PTPRD: variants seen among roughly 807,000 people sequenced by gnomAD.
PTPRD encodes protein tyrosine phosphatase receptor type D.
Under a neutral mutation model 214.5 loss-of-function variants are expected in PTPRD, and 34 were observed. The observed-to-expected ratio is 0.16, with a 90% CI of 0.12 to 0.21. The LOEUF (loss-of-function observed/expected upper bound fraction) is 0.21, where lower values mean the gene tolerates loss of function less well. Ranked by LOEUF, PTPRD falls within the 10% of genes least tolerant of loss-of-function variation. PTPRD has a pLI of 1.00. For missense variants in PTPRD, 2,545 were observed against 2,398.7 expected, an observed-to-expected ratio of 1.06 and a Z score of -1.27; for synonymous variants, 1,128 against 845.7, an observed-to-expected ratio of 1.33 and a Z score of -5.79.
chr9:8,666,090 T>G (rs1400592652), intron 12 of PTPRD, among the ~76,000 whole-genome samples: 1 of 152,154 alleles, frequency 6.6e-6, no homozygotes, highest in African/African-American at 2.4e-5. Context: ...CTATCAGCAT[T>G]TACAGCTTTG....
intron 2 of PTPRD, among the ~76,000 whole-genome samples, chr9:10,385,586 A>T (rs1346575344): frequency 1.3e-5 from 2 of 151,856 alleles, no homozygotes; most frequent in African/African-American, 4.8e-5. Context: ...TGGAATATGA[A>T]GGGCTTTTTT....
At chr9:8,926,666 G>C (rs529164849) in intron 11 of PTPRD, among the ~76,000 whole-genome samples, 1 of 152,234 alleles carries the variant, frequency 6.6e-6, no homozygotes, top group Non-Finnish European at 1.5e-5. Context: ...TCCCATGTCT[G>C]AATTCTATTC....
chr9:10,023,621 A>ATT (rs71485309), intron 4 of PTPRD, among the ~76,000 whole-genome samples: 49 of 147,114 alleles, frequency 3.3e-4, no homozygotes, highest in Middle Eastern at 3.5e-3. Flanking sequence ...ACATGGAACT[A>ATT]TTTTTTTTTT....
intron 7 of PTPRD, among the ~76,000 whole-genome samples, chr9:9,699,845 A>G (rs1463850145): frequency 6.6e-6 from 1 of 152,236 alleles, no homozygotes; most frequent in Non-Finnish European, 1.5e-5. Flanking sequence ...ACATGATCAA[A>G]TCAGAGTCAG....
At chr9:9,489,943 A>G (rs2095829176) in intron 8 of PTPRD, among the ~76,000 whole-genome samples, 1 of 152,154 alleles carries the variant, frequency 6.6e-6, no homozygotes, top group Admixed American at 6.5e-5. Flanking sequence ...AGAAACTCGC[A>G]TCAAGACAGG....
At chr9:9,974,834 A>G (rs1219700055) in intron 4 of PTPRD, among the ~76,000 whole-genome samples, 1 of 152,222 alleles carries the variant, frequency 6.6e-6, no homozygotes, top group Non-Finnish European at 1.5e-5. Flanking sequence ...TTAATAAATT[A>G]ATAAATGTAG....
intron 3 of PTPRD, among the ~76,000 whole-genome samples, chr9:10,152,388 GT>G (rs145003927): frequency 0.036 from 5,431 of 152,096 alleles, 99 homozygotes; most frequent in Middle Eastern, 0.058. Context: ...TGTTTTGAGA[GT>G]TCTTCATATA....
rs12343015 is a variant in PTPRD at position 10,054,591 on chromosome 9, G to T, written c.-544-20801C>A. Among the ~76,000 whole-genome samples the T allele has an allele frequency of 7.8e-4, 119 of 152,188 alleles. 2 individuals carry two copies. The highest frequency in any genetic ancestry group is 1.5e-3 in the Non-Finnish European group (104 of 67,990). On this transcript the variant is annotated intron_variant, in intron 3 of 45. Transcript: ENST00000381196. ...ACCCAGAAAGGTCTTTTTCAAGGAC[G>T]TGGGAGCCATTCCTTTGAAATGGTA...
intron 2 of PTPRD, among the ~76,000 whole-genome samples, chr9:10,514,648 T>A (rs1379623024): frequency 6.7e-6 from 1 of 149,858 alleles, no homozygotes; most frequent in Non-Finnish European, 1.5e-5. Context: ...ACCAAGTGAC[T>A]TTTTTTTCCT....
At chr9:10,172,444 T>C (rs1392450405) in intron 3 of PTPRD, among the ~76,000 whole-genome samples, 1 of 152,246 alleles carries the variant, frequency 6.6e-6, no homozygotes, top group Non-Finnish European at 1.5e-5. Context: ...AATCAAGTAG[T>C]TGAAATCTTA....
At chr9:9,658,929 T>G (rs1383564056) in intron 7 of PTPRD, among the ~76,000 whole-genome samples, 1 of 152,060 alleles carries the variant, frequency 6.6e-6, no homozygotes. Context: ...GGCAGTTTGA[T>G]TCAAGAGTTA....
At chr9:9,493,619 T>C (rs1286514735) in intron 8 of PTPRD, among the ~76,000 whole-genome samples, 1 of 151,668 alleles carries the variant, frequency 6.6e-6, no homozygotes, top group Non-Finnish European at 1.5e-5. Flanking sequence ...AAACCCTGTC[T>C]CTACTAAACA....
At chr9:8,499,609 T>C in intron 25 of PTPRD, 38 bp downstream of exon 25, 5 of 1,572,066 alleles carry the variant, frequency 3.2e-6, no homozygotes, top group Non-Finnish European at 4.3e-6. Context: ...GATAAACTTA[T>C]TATATAAAAA....
chr9:9,308,196 C>G (rs1019168447), intron 9 of PTPRD, among the ~76,000 whole-genome samples: 7 of 152,108 alleles, frequency 4.6e-5, no homozygotes, highest in African/African-American at 1.4e-4. Context: ...CAAATACCTA[C>G]CTAATCCTCA....
At chr9:10,131,948 TG>T (rs2098892269) in intron 3 of PTPRD, among the ~76,000 whole-genome samples, 2 of 152,222 alleles carry the variant, frequency 1.3e-5, no homozygotes. Context: ...TTAGAGGTGA[TG>T]AGGAAAAAGG....
Position 9,646,663 on chromosome 9 carries a change from C to G in PTPRD, c.-286-71882G>C, listed in dbSNP as rs112063410. Reference sequence around the variant, plus strand: ...TATCCTATAAAAAATAGTAGTCCCTCTCTTATCCACAGGGCGTACATTCTA... The same window carrying G: ...TATCCTATAAAAAATAGTAGTCCCTGTCTTATCCACAGGGCGTACATTCTA... On this transcript the variant is annotated intron_variant, in intron 7 of 45. Transcript: ENST00000381196. 2.7e-3 allele frequency among the ~76,000 whole-genome samples: 411 copies of G among 152,218 alleles called. 3 individuals are homozygous for G. Among genetic ancestry groups the G allele is most frequent in the African/African-American group, 9.6e-3 (397 of 41,530 alleles).
chr9:9,015,603 T>G (rs1485940637), intron 11 of PTPRD, among the ~76,000 whole-genome samples: 1 of 152,188 alleles, frequency 6.6e-6, no homozygotes, highest in African/African-American at 2.4e-5. Flanking sequence ...TCCTAATAAA[T>G]TTGTTTTCAC....
intron 10 of PTPRD, among the ~76,000 whole-genome samples, chr9:9,138,907 G>C (rs756170414): frequency 7.3e-5 from 11 of 151,686 alleles, no homozygotes; most frequent in Admixed American, 3.3e-4. Flanking sequence ...TGTTATATTT[G>C]GTTATTATAA....
intron 2 of PTPRD, among the ~76,000 whole-genome samples, chr9:10,378,365 G>T (rs888727962): frequency 4.6e-5 from 7 of 151,902 alleles, no homozygotes; most frequent in Non-Finnish European, 7.4e-5. Flanking sequence ...GGCTTGTAGG[G>T]TATTGCTCAA....
Sources: gnomAD v4.1 joint callset for allele counts (sites outside exome capture counted in the v4.1 genomes callset) on GRCh38, gnomAD v4.1.1 for gene constraint, MANE v1.5 for transcripts, NCBI Gene and HGNC (gene_info 2026-07-23, HGNC 2026-07-21) for gene names.